FBH1: variants seen among roughly 807,000 people sequenced by gnomAD.
FBH1 encodes F-box DNA helicase 1, also known as DNA 3'-5' helicase 1.
FBH1 carries 43 observed loss-of-function variants against 115.5 expected under a neutral mutation model. The observed-to-expected ratio is 0.37, with a 90% CI of 0.29 to 0.48. The LOEUF (loss-of-function observed/expected upper bound fraction) is 0.48, where lower values mean the gene tolerates loss of function less well. Among genes scored for constraint, FBH1 ranks in the 20% least tolerant of loss-of-function variants. The probability of loss-of-function intolerance (pLI) is 0.99; values close to 1 mark genes in which losing one functional copy is unlikely to be tolerated. For synonymous variants in FBH1, 524 were observed against 507.8 expected (o/e 1.03, Z -0.43); for missense variants, 1,001 against 1,337.3 (o/e 0.75, Z 3.92).
chr10:5,911,051 A>G lies in FBH1; in HGVS notation c.1134A>G (p.Pro378=). The G allele has an allele frequency of 6.2e-7, 1 of 1,613,342 alleles. No homozygotes were observed. The highest frequency in any genetic ancestry group is 8.5e-7 in the Non-Finnish European group (1 of 1,179,978). The change falls in exon 6 of 21, where the codon CCA becomes CCG. Residue 378 remains proline (P), a synonymous_variant. Transcript: ENST00000362091. This position sits in a 1 kb window ranked among gnomAD's most constrained non-coding sequence, Gnocchi z 5.4. ...LRRPSSTVTM[P]DVTETLYCIA... is the part of the protein sequence containing the mutation. ...GACCCAGCTCCACGGTGACCATGCCAGATGTCACCGAGACCCTGTACTGCA... is the reference window on the plus strand; with the variant it reads ...GACCCAGCTCCACGGTGACCATGCCGGATGTCACCGAGACCCTGTACTGCA...
chr10:5,905,211 T>C (rs1473214055), intron 2 of FBH1: 1 of 152,230 alleles, frequency 6.6e-6, no homozygotes, highest in Non-Finnish European at 1.5e-5. Flanking sequence ...ATGTGTCACC[T>C]TCACAGGAAG....
rs36049919 is a variant in FBH1, at chr10:5,897,395, C to T, written c.2-5625C>T. On this transcript the variant is annotated intron_variant, in intron 1 of 20. Coordinates refer to ENST00000362091, the MANE Select transcript of FBH1 (RefSeq NM_178150.3). This position sits in a 1 kb window ranked among gnomAD's most constrained non-coding sequence, Gnocchi z 4.7. ...AGAGGAGGTGGACACAGGGCTCCTG[C>T]GGAGGAGGTGGACACAGGGCTCCTG... 0.32 allele frequency among the ~76,000 whole-genome samples: 48,114 copies of T among 150,824 alleles called. 8,250 individuals are homozygous for T. Among genetic ancestry groups the T allele is most frequent in the Non-Finnish European group, 0.39 (26,323 of 67,794 alleles).
intron 3 of FBH1, among the ~76,000 whole-genome samples, chr10:5,908,708 G>T (rs1331993545): frequency 1.3e-5 from 2 of 151,916 alleles, no homozygotes; most frequent in Non-Finnish European, 2.9e-5. Flanking sequence ...CCAGGTTCAA[G>T]TGATTCTCCT....
At position 5,937,284 on chromosome 10, in the gene FBH1, C is replaced by G. The variant is rs1285965508; in HGVS notation, c.*4C>G. On this transcript the variant is annotated 3_prime_UTR_variant, in exon 21 of 21. Transcript: ENST00000362091. ...CCTGCTCTTCCTCGTCTTCTGAGGA[C>G]AAGGCGCACGTTCTCCGCAGTGCAG... The G allele has an allele frequency of 6.3e-7, 1 of 1,594,302 alleles. No homozygotes were observed. Among genetic ancestry groups the G allele is most frequent in the Admixed American group, 1.7e-5 (1 of 58,314 alleles).
At chr10:5,893,638 T>G (rs1458085444) in intron 1 of FBH1, among the ~76,000 whole-genome samples, 1 of 152,220 alleles carries the variant, frequency 6.6e-6, no homozygotes, top group Non-Finnish European at 1.5e-5. Flanking sequence ...CTTGCCTAAC[T>G]CTATTTATGT....
At position 5,895,286 on chromosome 10, in the gene FBH1, A is replaced by G. The variant is rs1842944625; in HGVS notation, c.1+4940A>G. The G allele has an allele frequency of 7.3e-7, 1 of 1,366,400 alleles. No individual in the cohort carries two copies. The highest frequency in any genetic ancestry group is 9.9e-7 in the Non-Finnish European group (1 of 1,014,652). 84.6% of individuals were successfully genotyped at this position (1,366,400 alleles called of 1,614,324 possible). ...CTGTGGATCTTTGTTAAAGTTGGGTATGGTATTGTAGCAGTTTCTCCAGTC... is the reference window on the plus strand; with the variant it reads ...CTGTGGATCTTTGTTAAAGTTGGGTGTGGTATTGTAGCAGTTTCTCCAGTC... On this transcript the variant is annotated intron_variant, in intron 1 of 20. Transcript: ENST00000362091. The surrounding 1 kb of genome is among the most constrained non-coding windows in gnomAD (Gnocchi z 5.0).
Position 5,906,339 on chromosome 10 carries a change from G to A in FBH1, c.460G>A (p.Val154Met), listed in dbSNP as rs777546393. Reference protein sequence around the residue: ...SKKAPRHHLSVPCTRPREARQ... With the variant: ...SKKAPRHHLSMPCTRPREARQ... ...GAAAGCTCCACGGCACCATTTGTCT[G>A]TGCCATGCACAAGGCCTAGGGAGGC... The change falls in exon 3 of 21, where the codon GTG becomes ATG. Residue 154 changes from valine (V) to methionine (M), a missense_variant. Val to Met is a conservative substitution (Grantham distance 21). Transcript: ENST00000362091. This position sits in a 1 kb window ranked among gnomAD's most constrained non-coding sequence, Gnocchi z 7.3. 3 of 1,614,218 alleles carry A rather than the reference G, an allele frequency of 1.9e-6. No individual in the cohort carries two copies. The highest frequency in any genetic ancestry group is 2.2e-5 in the East Asian group (1 of 44,884).
Position 5,924,019 on chromosome 10 carries a change from AT to A in FBH1, c.2399-289del, listed in dbSNP as rs1187596499. On this transcript the variant is annotated intron_variant, in intron 16 of 20. Coordinates refer to ENST00000362091, the MANE Select transcript of FBH1 (RefSeq NM_178150.3). The surrounding 1 kb of genome is among the most constrained non-coding windows in gnomAD (Gnocchi z 6.2). ...TGGGCCCCAAGTGATAGCGTCGAGC[AT>A]TTCTATAGCGCTTTTCTTTTCCTGT... The A allele has an allele frequency of 7.1e-6, 4 of 561,102 alleles. No individual in the cohort carries two copies. In the Admixed American group the frequency reaches 1.3e-4, roughly 18 times the overall value. 34.8% of individuals were successfully genotyped at this position (561,102 alleles called of 1,614,324 possible).
chr10:5,895,211 C>G lies in FBH1; in HGVS notation c.1+4865C>G. 6.2e-7 allele frequency: 1 copy of G among 1,601,870 alleles called. No individual in the cohort carries two copies. The highest frequency in any genetic ancestry group is 1.1e-5 in the South Asian group (1 of 90,122). On this transcript the variant is annotated intron_variant, in intron 1 of 20. Transcript: ENST00000362091. The surrounding 1 kb of genome is among the most constrained non-coding windows in gnomAD (Gnocchi z 5.0). ...AAGTAAGAGGCATGTGGGAAACTGA[C>G]CAGGGCGGTTAGCTGACTCCAAAAT...
Position 5,906,764 on chromosome 10 carries a change from G to T in FBH1, c.753+132G>T. 1.4e-6 allele frequency: 1 copy of T among 693,090 alleles called. No homozygotes were observed. Among genetic ancestry groups the T allele is most frequent in the Non-Finnish European group, 2.4e-6 (1 of 419,888 alleles). 42.9% of individuals were successfully genotyped at this position (693,090 alleles called of 1,614,324 possible). On this transcript the variant is annotated intron_variant, in intron 3 of 20. Coordinates refer to ENST00000362091, the MANE Select transcript of FBH1 (RefSeq NM_178150.3). The surrounding 1 kb of genome is among the most constrained non-coding windows in gnomAD (Gnocchi z 7.3). ...TCAGAAGACATTCAGACTCCTTAGA[G>T]GCATTTAAGGCCTTCCGTGTCTGCC...
intron 2 of FBH1, among the ~76,000 whole-genome samples, chr10:5,904,884 A>C (rs749431343): frequency 6.6e-6 from 1 of 152,122 alleles, no homozygotes; most frequent in Non-Finnish European, 1.5e-5. Context: ...TTTCAGTTTC[A>C]TAAATTTTGT....
rs1831435136 is a variant in FBH1, at chr10:5,909,588, A to C, written c.1020+294A>C. 2.8e-6 allele frequency: 1 copy of C among 355,470 alleles called. No individual in the cohort carries two copies. The highest frequency in any genetic ancestry group is 4.7e-5 in the East Asian group (1 of 21,088). The allele number at this position is 355,470 out of a possible 1,614,324, so 22.0% of individuals were successfully genotyped here. ...AAAAGTGGTCATCTAGCCTCTGAACACTTTTAATAATAGGATTTCTTTACA... is the reference window on the plus strand; with the variant it reads ...AAAAGTGGTCATCTAGCCTCTGAACCCTTTTAATAATAGGATTTCTTTACA... On this transcript the variant is annotated intron_variant, in intron 5 of 20. Coordinates refer to ENST00000362091, the MANE Select transcript of FBH1 (RefSeq NM_178150.3). The surrounding 1 kb of genome is among the most constrained non-coding windows in gnomAD (Gnocchi z 4.4).
intron 3 of FBH1, among the ~76,000 whole-genome samples, chr10:5,907,206 C>T (rs983159096): frequency 3.3e-5 from 5 of 151,590 alleles, no homozygotes; most frequent in African/African-American, 4.8e-5. Flanking sequence ...TTCAAGTGAT[C>T]TGCCTGCCAT....
intron 1 of FBH1, among the ~76,000 whole-genome samples, chr10:5,902,253 C>T (rs1404500363): frequency 1.3e-5 from 2 of 151,774 alleles, no homozygotes; most frequent in Non-Finnish European, 2.9e-5. Context: ...AAACTGCAGC[C>T]TGTTTTATTA....
intron 3 of FBH1, 137 bp from the exon 4 acceptor site, chr10:5,908,788 T>G: frequency 2.1e-6 from 2 of 939,618 alleles, no homozygotes; most frequent in Non-Finnish European, 3.2e-6. Context: ...TGTATTTTTT[T>G]TCAGTAGAGA....
At position 5,923,762 on chromosome 10, in the gene FBH1, C is replaced by A; in HGVS notation, c.2398+66C>A. The A allele has an allele frequency of 2.1e-6, 3 of 1,436,298 alleles. No individual in the cohort carries two copies. Among genetic ancestry groups the A allele is most frequent in the South Asian group, 1.2e-5 (1 of 84,446 alleles). 89.0% of individuals were successfully genotyped at this position (1,436,298 alleles called of 1,614,324 possible). Reference sequence around the variant, plus strand: ...CCAAGTGACAGGGACGAGAAAGAAGCAGGCCCAGTCTGAGTCAGGGACCCG... The same window carrying A: ...CCAAGTGACAGGGACGAGAAAGAAGAAGGCCCAGTCTGAGTCAGGGACCCG... On this transcript the variant is annotated intron_variant, in intron 16 of 20. Coordinates refer to ENST00000362091, the MANE Select transcript of FBH1 (RefSeq NM_178150.3). This position sits in a 1 kb window ranked among gnomAD's most constrained non-coding sequence, Gnocchi z 5.7.
chr10:5,890,306 C>CCGG lies in FBH1; in HGVS notation c.-29_-27dup, dbSNP rs927575363. ...GGGCTGAGCGGCCGGCGGCGCGGGC[C>CCGG]CGGCGGCGGCGGCAGCGGGGTCCGG... is the stretch of plus-strand genomic sequence containing the variant. On this transcript the variant is annotated 5_prime_UTR_variant, in exon 1 of 21. Transcript: ENST00000362091. 9.1e-5 allele frequency: 34 copies of CCGG among 375,480 alleles called. No homozygotes were observed. Among genetic ancestry groups the CCGG allele is most frequent in the Admixed American group, 2.3e-4 (5 of 21,378 alleles). The allele number at this position is 375,480 out of a possible 1,614,324, so 23.3% of individuals were successfully genotyped here.
chr10:5,898,755 A>C (rs61832957), intron 1 of FBH1, among the ~76,000 whole-genome samples: 12,622 of 152,218 alleles, frequency 0.083, 560 homozygotes, highest in Middle Eastern at 0.12. Context: ...TGAGGATTTC[A>C]GTGTGTGAAT....
chr10:5,914,211 G>A lies in FBH1; in HGVS notation c.1338G>A (p.Gln446=). 6.2e-7 allele frequency: 1 copy of A among 1,614,194 alleles called. No homozygotes were observed. The highest frequency in any genetic ancestry group is 8.5e-7 in the Non-Finnish European group (1 of 1,180,042). ...CCATCCAACTTACACATGAACAACA[G>A]CTGATTCTGAATCACAAGATGGAAC... ...KKTIQLTHEQ[Q]LILNHKMEPL... is the part of the protein sequence containing the mutation. Residue 446 remains glutamine, a synonymous_variant, in exon 8 of 21, where the codon CAG becomes CAA. Coordinates refer to ENST00000362091, the MANE Select transcript of FBH1 (RefSeq NM_178150.3). The surrounding 1 kb of genome is among the most constrained non-coding windows in gnomAD (Gnocchi z 5.2).
Sources: gnomAD v4.1 joint callset for allele counts (sites outside exome capture counted in the v4.1 genomes callset) on GRCh38, gnomAD v4.1.1 for gene constraint, Gnocchi (gnomAD v3.1) non-coding constraint, MANE v1.5 for transcripts, NCBI Gene and HGNC (gene_info 2026-07-23, HGNC 2026-07-21) for gene names.